Variants in PTPN20 observed in about 807,000 individuals in gnomAD.
PTPN20 encodes tyrosine-protein phosphatase non-receptor type 20.
A neutral mutation model predicts 35.0 loss-of-function variants in PTPN20; 9 were observed. That is an observed-to-expected ratio of 0.26 (90% CI 0.15 to 0.45). The LOEUF is 0.45. PTPN20 is among the 20% of genes least tolerant of loss of function. PTPN20 has a pLI of 1.00. For synonymous variants in PTPN20, 32 were observed against 100.2 expected (o/e 0.32, Z 4.06); for missense variants, 111 against 312.5 (o/e 0.36, Z 4.86).
intron 1 of PTPN20, among the ~76,000 whole-genome samples, chr10:46,928,279 G>A (rs1467843487): frequency 6.6e-6 from 1 of 152,038 alleles, no homozygotes; most frequent in Non-Finnish European, 1.5e-5. Context: ...TGAGTGGGTA[G>A]CAACTATTTT....
At chr10:46,999,854 G>A (rs2059789838) in intron 9 of PTPN20, 58 bp from the exon 10 acceptor site, 11 of 1,591,144 alleles carry the variant, frequency 6.9e-6, no homozygotes, top group Non-Finnish European at 9.5e-6. Context: ...TTGGCAATCT[G>A]TGAATTTGTG....
chr10:46,978,883 T>C (rs1410578677), intron 7 of PTPN20, among the ~76,000 whole-genome samples: 4 of 148,590 alleles, frequency 2.7e-5, no homozygotes, highest in Non-Finnish European at 6.0e-5. Context: ...TAGTTGATCA[T>C]GGTGTTCCTA....
At chr10:46,920,410 T>C (rs1555106857) in intron 1 of PTPN20, among the ~76,000 whole-genome samples, 1 of 142,054 alleles carries the variant, frequency 7.0e-6, no homozygotes, top group Non-Finnish European at 1.5e-5. Flanking sequence ...AATGTGTTCT[T>C]GGGCAGAAAT....
chr10:46,993,947 C>T (rs2058518944), intron 9 of PTPN20, among the ~76,000 whole-genome samples: 1 of 151,988 alleles, frequency 6.6e-6, no homozygotes, highest in Admixed American at 6.6e-5. Flanking sequence ...TTTTTATTTT[C>T]CTTCTGAAGA....
chr10:46,993,595 T>C (rs1369066842), intron 9 of PTPN20, among the ~76,000 whole-genome samples: 1 of 152,180 alleles, frequency 6.6e-6, no homozygotes, highest in Non-Finnish European at 1.5e-5. Flanking sequence ...CAATAAGCTA[T>C]TTTAAAGAAG....
At chr10:46,937,957 T>C (rs1446876588) in intron 2 of PTPN20, among the ~76,000 whole-genome samples, 1 of 148,142 alleles carries the variant, frequency 6.8e-6, no homozygotes, top group Non-Finnish European at 1.5e-5. Flanking sequence ...TTTCTTTTTT[T>C]TTTTTTTTCT....
At position 47,000,906 on chromosome 10, in the gene PTPN20, TG is replaced by T; in HGVS notation, c.*167del. 1 of 794,418 alleles carries T rather than the reference TG, an allele frequency of 1.3e-6. No homozygotes were observed. 49.2% of individuals were successfully genotyped at this position (794,418 alleles called of 1,614,324 possible). On this transcript the variant is annotated 3_prime_UTR_variant, in exon 11 of 11. Coordinates refer to ENST00000374339, the MANE Select transcript of PTPN20 (RefSeq NM_001042357.5). ...AAGCTCCCTGAAGGGCAATATCATTTGGCTTGGGGTGATCAGTGTTTACTTA... is the reference window on the plus strand; with the variant it reads ...AAGCTCCCTGAAGGGCAATATCATTTGCTTGGGGTGATCAGTGTTTACTTA...
intron 5 of PTPN20, among the ~76,000 whole-genome samples, chr10:46,960,288 T>A (rs1279177898): frequency 2.1e-5 from 2 of 93,316 alleles, no homozygotes; most frequent in Non-Finnish European, 3.9e-5. Flanking sequence ...TTAGTCTGTT[T>A]GATATTGGTT....
chr10:46,923,216 C>A (rs1226847843), intron 1 of PTPN20, among the ~76,000 whole-genome samples: 2 of 143,898 alleles, frequency 1.4e-5, no homozygotes, highest in African/African-American at 2.9e-5. Context: ...GAAGTATACT[C>A]CCCTAGAGCC....
At chr10:46,977,059 A>T (rs1482205405) in intron 7 of PTPN20, among the ~76,000 whole-genome samples, 2 of 152,256 alleles carry the variant, frequency 1.3e-5, no homozygotes, top group Non-Finnish European at 2.9e-5. Flanking sequence ...GGTATTTTTT[A>T]AAAGATGTAA....
At chr10:46,919,193 A>G (rs1195599810) in intron 1 of PTPN20, among the ~76,000 whole-genome samples, 2 of 152,214 alleles carry the variant, frequency 1.3e-5, no homozygotes, top group East Asian at 3.8e-4. Context: ...GGTTCCTTGT[A>G]GACAGTATAT....
At chr10:47,000,055 TC>T in intron 10 of PTPN20, 81 bp downstream of exon 10, 1 of 1,572,244 alleles carries the variant, frequency 6.4e-7, no homozygotes, top group South Asian at 1.1e-5. Flanking sequence ...ACTTAAAAGC[TC>T]TTTTATTGAC....
At chr10:46,993,204 A>G (rs1055825983) in intron 9 of PTPN20, among the ~76,000 whole-genome samples, 2 of 152,188 alleles carry the variant, frequency 1.3e-5, no homozygotes, top group Non-Finnish European at 2.9e-5. Flanking sequence ...AGGGGTAGCG[A>G]TGATCCCCTG....
At chr10:46,923,389 AT>A (rs1555110444) in intron 1 of PTPN20, among the ~76,000 whole-genome samples, 1 of 146,586 alleles carries the variant, frequency 6.8e-6, no homozygotes, top group Non-Finnish European at 1.5e-5. Context: ...TGTGTTTTAC[AT>A]TTAGGTCTGT....
chr10:47,002,728 G>C (rs1565666056), downstream of PTPN20, among the ~76,000 whole-genome samples: 1 of 151,712 alleles, frequency 6.6e-6, no homozygotes, highest in African/African-American at 2.4e-5. Context: ...TTTTAAAGTT[G>C]TATGTTCTTG....
At chr10:46,998,849 T>A (rs1197216115) in intron 9 of PTPN20, among the ~76,000 whole-genome samples, 1 of 152,138 alleles carries the variant, frequency 6.6e-6, no homozygotes, top group African/African-American at 2.4e-5. Context: ...ATGGCAGATA[T>A]GGTGGCTGAC....
chr10:46,994,849 C>T (rs955441097), intron 9 of PTPN20, among the ~76,000 whole-genome samples: 2 of 151,998 alleles, frequency 1.3e-5, no homozygotes, highest in African/African-American at 4.8e-5. Flanking sequence ...TTCAAGTAGC[C>T]GGTTTTCAAG....
downstream of PTPN20, among the ~76,000 whole-genome samples, chr10:47,003,410 T>C (rs914459628): frequency 9.8e-4 from 149 of 152,190 alleles, 2 homozygotes; most frequent in South Asian, 0.03. Context: ...GCTGTAAATA[T>C]TGGAAAGCTA....
At chr10:46,950,558 A>G (rs2046337168) in intron 5 of PTPN20, among the ~76,000 whole-genome samples, 1 of 151,986 alleles carries the variant, frequency 6.6e-6, no homozygotes, top group South Asian at 2.1e-4. Context: ...TAAATTGGGT[A>G]TGTATTGTTC....
Sources: gnomAD v4.1 joint callset for allele counts (sites outside exome capture counted in the v4.1 genomes callset) on GRCh38, gnomAD v4.1.1 for gene constraint, MANE v1.5 for transcripts, NCBI Gene and HGNC (gene_info 2026-07-23, HGNC 2026-07-21) for gene names.